The following SORCS3 variants were observed in gnomAD, a reference collection of about 807,000 sequenced individuals.
SORCS3 encodes VPS10 domain-containing receptor SorCS3.
SORCS3 carries 57 observed loss-of-function variants against 146.3 expected under a neutral mutation model. That is an observed-to-expected ratio of 0.39 (90% CI 0.31 to 0.49). The LOEUF (loss-of-function observed/expected upper bound fraction) is 0.49. Among genes scored for constraint, SORCS3 ranks in the 20% least tolerant of loss-of-function variants. The pLI, the probability that SORCS3 is intolerant of heterozygous loss-of-function variation, is 0.92. For synonymous variants in SORCS3, 653 were observed against 618.5 expected (o/e 1.06, Z -0.83); for missense variants, 1,341 against 1,575.5 (o/e 0.85, Z 2.52).
chr10:105,185,567 A>G (rs1479682988), intron 14 of SORCS3, among the ~76,000 whole-genome samples: 1 of 152,204 alleles, frequency 6.6e-6, no homozygotes, highest in African/African-American at 2.4e-5. Context: ...TATATCTGCA[A>G]TTTCATAACT....
chr10:105,037,637 T>C (rs1299666887), intron 4 of SORCS3, among the ~76,000 whole-genome samples: 1 of 152,190 alleles, frequency 6.6e-6, no homozygotes, highest in Non-Finnish European at 1.5e-5. Context: ...CTTATGAGCC[T>C]ACATTTCTCC....
At position 105,256,804 on chromosome 10, in the gene SORCS3, G is replaced by A. The variant is rs1564797405; in HGVS notation, c.3338-15G>A. 3 of 1,605,286 alleles carry A rather than the reference G, an allele frequency of 1.9e-6. No homozygotes were observed. Among genetic ancestry groups the A allele is most frequent in the South Asian group, 1.1e-5 (1 of 90,836 alleles). ...AGCATATCTGTTCTTTTCCTTATCTGTTCTTCTTTCCAAGCTCCATTGGTG... is the reference window on the plus strand; with the variant it reads ...AGCATATCTGTTCTTTTCCTTATCTATTCTTCTTTCCAAGCTCCATTGGTG... On this transcript the variant is annotated splice_polypyrimidine_tract_variant and intron_variant, in intron 24 of 26. Coordinates refer to ENST00000369701, the MANE Select transcript of SORCS3 (RefSeq NM_014978.3).
At chr10:104,691,767 G>A (rs548375915) in intron 1 of SORCS3, among the ~76,000 whole-genome samples, 1 of 152,170 alleles carries the variant, frequency 6.6e-6, no homozygotes, top group South Asian at 2.1e-4. Flanking sequence ...TTGAGGCAGG[G>A]TCTTGCTCTG....
At chr10:105,040,375 A>G (rs2055331345) in intron 4 of SORCS3, among the ~76,000 whole-genome samples, 1 of 152,178 alleles carries the variant, frequency 6.6e-6, no homozygotes, top group Non-Finnish European at 1.5e-5. Flanking sequence ...GGCCAACAAC[A>G]GTCATCATAT....
chr10:105,226,391 C>A (rs2056734113), intron 20 of SORCS3, among the ~76,000 whole-genome samples: 1 of 151,938 alleles, frequency 6.6e-6, no homozygotes, highest in Non-Finnish European at 1.5e-5. Flanking sequence ...ATACTTGCAT[C>A]CCTGGGATAA....
chr10:105,179,789 C>A (rs2056431871), intron 14 of SORCS3, among the ~76,000 whole-genome samples: 1 of 152,074 alleles, frequency 6.6e-6, no homozygotes, highest in Non-Finnish European at 1.5e-5. Context: ...ATGGCAATGG[C>A]AAAGATTGAA....
At chr10:105,164,041 T>A (rs1190901031) in intron 11 of SORCS3, among the ~76,000 whole-genome samples, 1 of 152,206 alleles carries the variant, frequency 6.6e-6, no homozygotes, top group Non-Finnish European at 1.5e-5. Flanking sequence ...ACAGACTGAA[T>A]AATTCAAGAG....
In SORCS3 at chr10:104,859,062, G is replaced by A. The variant is rs112998767; in HGVS notation, c.695+16203G>A. ...TGCAGCTTGTATGTGTGTGTGTGTG[G>A]TGTGTGTATGTTGCATACATGCATT... On this transcript the variant is annotated intron_variant, in intron 2 of 26. Coordinates refer to ENST00000369701, the MANE Select transcript of SORCS3 (RefSeq NM_014978.3). Among the ~76,000 whole-genome samples the A allele has an allele frequency of 1.5e-3, 223 of 152,022 alleles. 1 individual carries two copies. Among genetic ancestry groups the A allele is most frequent in the Admixed American group, 5.1e-3 (78 of 15,260 alleles).
chr10:104,860,120 A>G (rs945661142), intron 2 of SORCS3, among the ~76,000 whole-genome samples: 11 of 121,804 alleles, frequency 9.0e-5, no homozygotes, highest in East Asian at 2.4e-4. Flanking sequence ...ACATGCACAC[A>G]TATGTTTATT....
chr10:105,111,366 G>A (rs568615415), intron 7 of SORCS3, among the ~76,000 whole-genome samples: 23 of 152,236 alleles, frequency 1.5e-4, no homozygotes, highest in South Asian at 8.3e-4. Flanking sequence ...TGTGTTATTC[G>A]TCATTGCTTC....
intron 16 of SORCS3, among the ~76,000 whole-genome samples, chr10:105,205,627 G>A (rs563292690): frequency 6.6e-5 from 10 of 152,078 alleles, no homozygotes; most frequent in African/African-American, 2.2e-4. Flanking sequence ...AGCCCTCCAG[G>A]AGACCTGAAT....
chr10:105,084,331 A>G (rs1324765011), intron 5 of SORCS3, among the ~76,000 whole-genome samples: 3 of 152,212 alleles, frequency 2.0e-5, no homozygotes, highest in African/African-American at 4.8e-5. Context: ...CTCAATACCC[A>G]TTAGCATTTA....
intron 6 of SORCS3, among the ~76,000 whole-genome samples, chr10:105,102,176 G>T (rs1261704936): frequency 1.3e-5 from 2 of 152,188 alleles, no homozygotes; most frequent in African/African-American, 2.4e-5. Flanking sequence ...TATAAGGAAG[G>T]TCATGACCAA....
At position 105,264,856 on chromosome 10, in the gene SORCS3, C is replaced by T. The variant is rs1477124049; in HGVS notation, c.*1482C>T. The T allele has an allele frequency of 1.3e-5, 2 of 152,560 alleles. No homozygotes were observed. The highest frequency in any genetic ancestry group is 1.9e-4 in the East Asian group (1 of 5,188). The allele number at this position is 152,560 out of a possible 1,614,324, so 9.5% of individuals were successfully genotyped here. A position where few individuals can be genotyped will look rare whatever the true frequency, so the allele number is the denominator to read the frequency against. On this transcript the variant is annotated 3_prime_UTR_variant, in exon 27 of 27. Coordinates refer to ENST00000369701, the MANE Select transcript of SORCS3 (RefSeq NM_014978.3). ...TTTATTTTCAGGCTTAGCCTGAGCA[C>T]ACTTATTTTTGAAAATGATATAATG...
intron 1 of SORCS3, among the ~76,000 whole-genome samples, chr10:104,838,468 G>A (rs2018097654): frequency 2.0e-5 from 3 of 152,080 alleles, no homozygotes. Flanking sequence ...GGCATAGAAT[G>A]TCTTAAGCCT....
chr10:105,026,939 C>A (rs1041061493), intron 4 of SORCS3, among the ~76,000 whole-genome samples: 3 of 152,072 alleles, frequency 2.0e-5, no homozygotes, highest in Non-Finnish European at 4.4e-5. Context: ...ACACAGTATA[C>A]CCCTTTAAAT....
intron 4 of SORCS3, among the ~76,000 whole-genome samples, chr10:104,994,798 T>A (rs898723718): frequency 1.4e-4 from 21 of 152,226 alleles, no homozygotes; most frequent in Admixed American, 1.3e-4. Context: ...TTTTATTGTT[T>A]CGCTGATAAT....
At chr10:104,874,274 T>C (rs866826846) in intron 2 of SORCS3, among the ~76,000 whole-genome samples, 8 of 152,312 alleles carry the variant, frequency 5.3e-5, no homozygotes, top group Middle Eastern at 3.4e-3. Flanking sequence ...GCCATTTGGA[T>C]CTGCCAATAA....
At chr10:104,670,742 T>C (rs1247677677) in intron 1 of SORCS3, among the ~76,000 whole-genome samples, 1 of 152,208 alleles carries the variant, frequency 6.6e-6, no homozygotes, top group Non-Finnish European at 1.5e-5. Context: ...TTGATAGAGA[T>C]TGCATTGGAT....
Sources: allele counts gnomAD v4.1 joint callset (sites outside exome capture counted in the v4.1 genomes callset), GRCh38; gene constraint gnomAD v4.1.1; transcripts MANE v1.5; gene names NCBI Gene and HGNC (gene_info 2026-07-23, HGNC 2026-07-21).